FAM168A: variants seen among roughly 807,000 people sequenced by gnomAD.
The protein encoded by FAM168A is protein FAM168A.
Under a neutral mutation model 28.5 loss-of-function variants are expected in FAM168A, and 3 were observed. The ratio of observed to expected loss-of-function variants is 0.11; its 90% CI spans 0.05 to 0.27. FAM168A has a LOEUF of 0.27. FAM168A is among the 10% of genes least tolerant of loss of function. The pLI is 1.00. For synonymous variants in FAM168A, 122 were observed against 124.2 expected (o/e 0.98, Z 0.12); for missense variants, 222 against 311.5 (o/e 0.71, Z 2.16).
chr11:73,516,098 T>C (rs1477759313), intron 1 of FAM168A, among the ~76,000 whole-genome samples: 46 of 130,534 alleles, frequency 3.5e-4, no homozygotes, highest in African/African-American at 1.4e-3. Flanking sequence ...AGACTCTGCC[T>C]TTAAAAAAAA....
rs368457408 is a variant in FAM168A at position 73,496,873 on chromosome 11, T to TCTCA, written c.-18-28382_-18-28381insTGAG. 8.4e-4 allele frequency among the ~76,000 whole-genome samples: 118 copies of TCTCA among 140,218 alleles called. No homozygotes were observed. In the East Asian group the frequency reaches 0.011, roughly 13 times the overall value. The allele number at this position is 140,218 out of a possible 152,430, so 92.0% of individuals were successfully genotyped here. ...CTGCACCCAGCCCTGTATGTTCTTA[T>TCTCA]CACACACACACACACACACACACAC... On this transcript the variant is annotated intron_variant, in intron 1 of 7. Coordinates refer to ENST00000356467, the MANE Select transcript of FAM168A (RefSeq NM_015159.3).
chr11:73,528,199 C>T (rs1045333157), intron 1 of FAM168A, among the ~76,000 whole-genome samples: 4 of 152,156 alleles, frequency 2.6e-5, no homozygotes, highest in African/African-American at 9.7e-5. Flanking sequence ...TTGTCAGAGG[C>T]GTTCGAACCA....
At chr11:73,475,298 A>T (rs1590803483) in intron 1 of FAM168A, among the ~76,000 whole-genome samples, 1 of 151,760 alleles carries the variant, frequency 6.6e-6, no homozygotes, top group South Asian at 2.1e-4. Flanking sequence ...AAAATGGTAA[A>T]TTTTTCAAAT....
intron 3 of FAM168A, among the ~76,000 whole-genome samples, chr11:73,422,796 G>A (rs1866821645): frequency 6.6e-6 from 1 of 152,248 alleles, no homozygotes; most frequent in Admixed American, 6.5e-5. Flanking sequence ...ACGAGAGAGA[G>A]AGAGAGAAAG....
chr11:73,563,910 T>C (rs1274260324), intron 1 of FAM168A, among the ~76,000 whole-genome samples: 2 of 152,248 alleles, frequency 1.3e-5, no homozygotes, highest in Non-Finnish European at 2.9e-5. Context: ...CTTAATTAAC[T>C]GAGGCCCAAG....
At chr11:73,505,440 T>G (rs896747716) in intron 1 of FAM168A, among the ~76,000 whole-genome samples, 1 of 152,174 alleles carries the variant, frequency 6.6e-6, no homozygotes. Context: ...ATATGTAAAG[T>G]GTTTAGAACA....
intron 1 of FAM168A, among the ~76,000 whole-genome samples, chr11:73,497,104 C>T (rs1052824181): frequency 6.6e-6 from 1 of 152,136 alleles, no homozygotes; most frequent in African/African-American, 2.4e-5. Flanking sequence ...CCCTTTTTAT[C>T]TTTCATTCTC....
chr11:73,449,317 A>G (rs567444338), intron 2 of FAM168A, among the ~76,000 whole-genome samples: 1 of 152,312 alleles, frequency 6.6e-6, no homozygotes, highest in Non-Finnish European at 1.5e-5. Context: ...TGGCATTTAT[A>G]ACTGATGCAT....
At chr11:73,408,792 A>G (rs1371205696) in intron 6 of FAM168A, among the ~76,000 whole-genome samples, 1 of 152,030 alleles carries the variant, frequency 6.6e-6, no homozygotes, top group South Asian at 2.1e-4. Flanking sequence ...AAAAAAAAAA[A>G]AAAAAACCTA....
At chr11:73,559,897 C>A (rs570154493) in intron 1 of FAM168A, among the ~76,000 whole-genome samples, 25 of 152,234 alleles carry the variant, frequency 1.6e-4, no homozygotes, top group African/African-American at 6.0e-4. Flanking sequence ...AAGTTGTAAT[C>A]AAGCATTGCT....
chr11:73,571,172 TA>T (rs1467623135), intron 1 of FAM168A, among the ~76,000 whole-genome samples: 15 of 151,730 alleles, frequency 9.9e-5, no homozygotes, highest in Non-Finnish European at 1.5e-4. Flanking sequence ...GAAAAATGCT[TA>T]ACTAATACAC....
At chr11:73,439,917 C>CTTTTTTTTTTTTTTTTT (rs1555020011) in intron 2 of FAM168A, among the ~76,000 whole-genome samples, 1 of 103,676 alleles carries the variant, frequency 9.6e-6, no homozygotes. Context: ...CGGAGTTTTG[C>CTTTTTTTTTTTTTTTTT]TCTTGTCGCC....
chr11:73,437,400 CTTTTTTT>C (rs747204512), intron 2 of FAM168A, among the ~76,000 whole-genome samples: 3 of 103,514 alleles, frequency 2.9e-5, no homozygotes, highest in Admixed American at 2.1e-4. Flanking sequence ...CCCGGCCACT[CTTTTTTT>C]TTTTTTTTTT....
chr11:73,548,466 C>G (rs1943787046), intron 1 of FAM168A, among the ~76,000 whole-genome samples: 1 of 152,142 alleles, frequency 6.6e-6, no homozygotes, highest in Admixed American at 6.5e-5. Flanking sequence ...CAAGATCAAA[C>G]AGCCAGGGGC....
At chr11:73,439,635 C>T in intron 2 of FAM168A, among the ~76,000 whole-genome samples, 1 of 152,032 alleles carries the variant, frequency 6.6e-6, no homozygotes. Flanking sequence ...AGTTCCCTAT[C>T]TGCTGGTATA....
chr11:73,477,996 G>C (rs535781190), intron 1 of FAM168A, among the ~76,000 whole-genome samples: 2 of 152,154 alleles, frequency 1.3e-5, no homozygotes, highest in Non-Finnish European at 2.9e-5. Context: ...TATTTTTCGT[G>C]TTAACTGGCT....
chr11:73,486,554 A>T (rs926444998), intron 1 of FAM168A, among the ~76,000 whole-genome samples: 5 of 152,230 alleles, frequency 3.3e-5, no homozygotes, highest in African/African-American at 1.2e-4. Context: ...AACATTCCAG[A>T]CTTCCCATTT....
intron 2 of FAM168A, among the ~76,000 whole-genome samples, chr11:73,452,943 T>A (rs1867459821): frequency 6.6e-6 from 1 of 152,184 alleles, no homozygotes; most frequent in Non-Finnish European, 1.5e-5. Context: ...CCTGGGGTGT[T>A]AATTTTACCA....
chr11:73,576,621 G>A (rs1944179234), intron 1 of FAM168A, among the ~76,000 whole-genome samples: 2 of 152,094 alleles, frequency 1.3e-5, no homozygotes, highest in African/African-American at 2.4e-5. Context: ...AGACGGAAAT[G>A]GGGAATCAAC....
Sources: allele counts gnomAD v4.1 joint callset (sites outside exome capture counted in the v4.1 genomes callset), GRCh38; gene constraint gnomAD v4.1.1; transcripts MANE v1.5; gene names NCBI Gene and HGNC (gene_info 2026-07-23, HGNC 2026-07-21).